Variants in MCTP1 observed in about 807,000 individuals in gnomAD.
MCTP1 encodes the protein multiple C2 and transmembrane domain containing 1.
A neutral mutation model predicts 120.6 loss-of-function variants in MCTP1; 69 were observed. That is an observed-to-expected ratio of 0.57 (90% CI 0.47 to 0.70). The LOEUF is 0.70. Among genes scored for constraint, MCTP1 ranks in the 30% least tolerant of loss-of-function variants. The pLI, the probability that MCTP1 is intolerant of heterozygous loss-of-function variation, is 0.00. For missense variants in MCTP1, 1,203 were observed against 1,248.8 expected, an observed-to-expected ratio of 0.96 and a Z score of 0.55; for synonymous variants, 529 against 493.1, an observed-to-expected ratio of 1.07 and a Z score of -0.96.
At chr5:95,253,640 T>A (rs567281681) in intron 1 of MCTP1, among the ~76,000 whole-genome samples, 7 of 151,890 alleles carry the variant, frequency 4.6e-5, no homozygotes, top group Non-Finnish European at 1.0e-4. Flanking sequence ...AAAGAACACA[T>A]CTTTAGAATA....
At chr5:95,039,878 CAAAAAAAA>C (rs57011733) in intron 1 of MCTP1, among the ~76,000 whole-genome samples, 37 of 77,630 alleles carry the variant, frequency 4.8e-4, no homozygotes, top group African/African-American at 8.8e-4. Context: ...GTACCGTTTG[CAAAAAAAA>C]AAAAAAAAAA....
At chr5:94,940,042 T>C (rs773619921) in intron 5 of MCTP1, 42 bp downstream of exon 5, 13 of 1,209,880 alleles carry the variant, frequency 1.1e-5, no homozygotes, top group Non-Finnish European at 1.6e-5. Context: ...CTCACAACTT[T>C]CAAACAAGAA....
chr5:94,707,594 C>A (rs754736060), intron 22 of MCTP1, 27 bp from the exon 23 acceptor site: 1 of 1,585,090 alleles, frequency 6.3e-7, no homozygotes, highest in Non-Finnish European at 8.7e-7. Context: ...CAGAGGAAGA[C>A]TGGTCAGGTG....
chr5:95,140,209 A>G (rs1021114627), intron 1 of MCTP1, among the ~76,000 whole-genome samples: 3 of 152,172 alleles, frequency 2.0e-5, no homozygotes, highest in African/African-American at 7.2e-5. Flanking sequence ...ATTTGCAAAA[A>G]TGTGTTTTTT....
At chr5:95,140,758 C>CTGGG in intron 1 of MCTP1, among the ~76,000 whole-genome samples, 1 of 137,578 alleles carries the variant, frequency 7.3e-6, no homozygotes, top group Non-Finnish European at 1.5e-5. Flanking sequence ...TGGGCACCTG[C>CTGGG]AGTCCCAGCT....
intron 1 of MCTP1, among the ~76,000 whole-genome samples, chr5:95,282,519 T>C (rs1380451891): frequency 6.6e-6 from 1 of 152,192 alleles, no homozygotes; most frequent in Non-Finnish European, 1.5e-5. Flanking sequence ...TATTCATCTA[T>C]ACTGAATTTA....
chr5:94,778,758 C>T (rs1364324283), intron 19 of MCTP1, among the ~76,000 whole-genome samples: 1 of 152,150 alleles, frequency 6.6e-6, no homozygotes, highest in Non-Finnish European at 1.5e-5. Flanking sequence ...TCTCTCTTCC[C>T]CCAAAGCATG....
At chr5:95,019,594 G>T (rs1837806094) in intron 1 of MCTP1, among the ~76,000 whole-genome samples, 1 of 151,998 alleles carries the variant, frequency 6.6e-6, no homozygotes, top group South Asian at 2.1e-4. Flanking sequence ...AAAGTTTACA[G>T]AATGAATTTT....
At chr5:95,221,254 A>G (rs544817565) in intron 1 of MCTP1, among the ~76,000 whole-genome samples, 63 of 152,374 alleles carry the variant, frequency 4.1e-4, no homozygotes, top group Non-Finnish European at 6.5e-4. Flanking sequence ...AAAAGTGCCA[A>G]TGAAAAGTTC....
chr5:95,125,139 A>G (rs978773314), intron 1 of MCTP1, among the ~76,000 whole-genome samples: 2 of 152,344 alleles, frequency 1.3e-5, no homozygotes, highest in Middle Eastern at 6.8e-3. Context: ...AGAAGGGAGT[A>G]ATACCCATCA....
At chr5:95,270,677 C>T (rs1331471412) in intron 1 of MCTP1, among the ~76,000 whole-genome samples, 3 of 152,222 alleles carry the variant, frequency 2.0e-5, no homozygotes, top group East Asian at 1.9e-4. Context: ...TGCCTGTAAT[C>T]CCAGTACTTT....
At chr5:95,024,750 T>C (rs2153682367) in intron 1 of MCTP1, among the ~76,000 whole-genome samples, 1 of 151,968 alleles carries the variant, frequency 6.6e-6, no homozygotes, top group South Asian at 2.1e-4. Flanking sequence ...AAAATCAACT[T>C]ACAAAAACCA....
intron 8 of MCTP1, among the ~76,000 whole-genome samples, chr5:94,916,065 T>G (rs1581337968): frequency 1.3e-5 from 2 of 152,208 alleles, no homozygotes; most frequent in Admixed American, 1.3e-4. Context: ...TTTTAAGTGA[T>G]GTTTTCTTCT....
At chr5:94,990,893 C>A (rs1012239383) in intron 2 of MCTP1, among the ~76,000 whole-genome samples, 1 of 152,114 alleles carries the variant, frequency 6.6e-6, no homozygotes. Flanking sequence ...TGGTTATGAC[C>A]AGCCCTCTTT....
intron 19 of MCTP1, among the ~76,000 whole-genome samples, chr5:94,771,805 T>C (rs1464006767): frequency 6.6e-6 from 1 of 152,224 alleles, no homozygotes. Context: ...CATGTTATTA[T>C]AAACCTAGGT....
chr5:94,711,318 A>G (rs577986220), intron 20 of MCTP1, among the ~76,000 whole-genome samples: 24 of 152,218 alleles, frequency 1.6e-4, no homozygotes, highest in African/African-American at 2.4e-4. Flanking sequence ...TCTTCCTTCT[A>G]TCAACTCTCA....
intron 19 of MCTP1, among the ~76,000 whole-genome samples, chr5:94,774,776 G>C (rs1199944000): frequency 6.6e-6 from 1 of 152,172 alleles, no homozygotes; most frequent in East Asian, 1.9e-4. Flanking sequence ...ATGTGGCTTA[G>C]GAATTTTTAA....
intron 19 of MCTP1, among the ~76,000 whole-genome samples, chr5:94,749,889 A>G (rs1479586482): frequency 6.6e-6 from 1 of 152,138 alleles, no homozygotes; most frequent in Non-Finnish European, 1.5e-5. Flanking sequence ...CAATGAGGCT[A>G]CAGAGAGGTT....
intron 17 of MCTP1, among the ~76,000 whole-genome samples, chr5:94,836,138 C>A (rs1448087462): frequency 1.4e-5 from 2 of 138,600 alleles, no homozygotes; most frequent in African/African-American, 5.5e-5. Flanking sequence ...CAAGATCACA[C>A]CACTGCACTC....
Sources: gnomAD v4.1 joint callset for allele counts (sites outside exome capture counted in the v4.1 genomes callset) on GRCh38, gnomAD v4.1.1 for gene constraint, MANE v1.5 for transcripts, NCBI Gene and HGNC (gene_info 2026-07-23, HGNC 2026-07-21) for gene names.